The following IQCH variants were observed in gnomAD, a reference collection of about 807,000 sequenced individuals.
IQCH encodes IQ motif containing H, also known as IQ domain-containing protein H.
In IQCH, 98 loss-of-function variants were observed where a neutral mutation model predicts 117.0. That is an observed-to-expected ratio of 0.84 (90% CI 0.71 to 0.99). The LOEUF is 0.99. Among genes scored for constraint, IQCH ranks in the 50% least tolerant of loss-of-function variants. The pLI is 0.00. For synonymous variants in IQCH, 412 were observed against 448.2 expected (o/e 0.92, Z 1.02); for missense variants, 1,102 against 1,243.8 (o/e 0.89, Z 1.72).
Position 67,390,935 on chromosome 15 carries a change from C to T in IQCH, c.1632+1929C>T, listed in dbSNP as rs1971266254. Among the ~76,000 whole-genome samples, 1 of 152,216 alleles carries T rather than the reference C, an allele frequency of 6.6e-6. No individual in the cohort carries two copies. The highest frequency in any genetic ancestry group is 1.5e-5 in the Non-Finnish European group (1 of 68,036). On this transcript the variant is annotated intron_variant, in intron 12 of 20. Transcript: ENST00000335894. This position sits in a 1 kb window ranked among gnomAD's most constrained non-coding sequence, Gnocchi z 5.0. The stretch of plus-strand genomic sequence containing the variant: ...CAGAGTGTGAACCAAAATCTCTCTA[C>T]CGCAGAGCAGTATCATGAGTTGGAA...
At chr15:67,347,436 C>A (rs1969447145) in intron 6 of IQCH, among the ~76,000 whole-genome samples, 2 of 151,914 alleles carry the variant, frequency 1.3e-5, no homozygotes. Flanking sequence ...TATTGATGGA[C>A]AAATTCTTTG....
intron 6 of IQCH, among the ~76,000 whole-genome samples, chr15:67,355,742 G>A (rs1969866998): frequency 6.6e-6 from 1 of 152,116 alleles, no homozygotes. Flanking sequence ...AGTGCATTAG[G>A]ATACGGTTTT....
intron 4 of IQCH, among the ~76,000 whole-genome samples, chr15:67,321,290 A>G (rs1264265778): frequency 1.3e-5 from 2 of 152,042 alleles, no homozygotes; most frequent in African/African-American, 2.4e-5. Context: ...TCCTCCAGTC[A>G]TTTCTATTCA....
chr15:67,383,123 T>C (rs1052888045), intron 10 of IQCH, among the ~76,000 whole-genome samples: 20 of 152,202 alleles, frequency 1.3e-4, no homozygotes, highest in Admixed American at 6.5e-5. Flanking sequence ...TTGTTGTTGT[T>C]GTTATATGTT....
chr15:67,339,096 G>A (rs1596212289), intron 5 of IQCH, among the ~76,000 whole-genome samples: 1 of 151,944 alleles, frequency 6.6e-6, no homozygotes, highest in Admixed American at 6.6e-5. Flanking sequence ...AGGTCTTTTT[G>A]GTTCACCACT....
intron 4 of IQCH, among the ~76,000 whole-genome samples, chr15:67,282,538 T>G (rs1487274919): frequency 1.3e-5 from 2 of 152,194 alleles, no homozygotes; most frequent in Non-Finnish European, 2.9e-5. Context: ...ACTATTGTTG[T>G]TGTATATCTA....
intron 10 of IQCH, among the ~76,000 whole-genome samples, chr15:67,383,209 A>T (rs4776924): frequency 0.53 from 81,169 of 152,008 alleles, 22,196 homozygotes; most frequent in East Asian, 0.88. Context: ...AGGTGTTTTC[A>T]TGTCTGTAAC....
intron 3 of IQCH, among the ~76,000 whole-genome samples, chr15:67,267,953 A>G (rs1194523070): frequency 1.3e-5 from 2 of 152,196 alleles, no homozygotes; most frequent in Non-Finnish European, 2.9e-5. Flanking sequence ...GACAGTTTGC[A>G]AAGGACTTTC....
At chr15:67,349,206 G>A (rs2140706249) in intron 6 of IQCH, among the ~76,000 whole-genome samples, 1 of 152,282 alleles carries the variant, frequency 6.6e-6, no homozygotes, top group East Asian at 1.9e-4. Flanking sequence ...GTTAGGCAAA[G>A]GTTTCTTACG....
At chr15:67,329,547 C>T (rs1390754547) in intron 4 of IQCH, among the ~76,000 whole-genome samples, 1 of 152,106 alleles carries the variant, frequency 6.6e-6, no homozygotes, top group Non-Finnish European at 1.5e-5. Flanking sequence ...TCATAGCTCA[C>T]TGTAGCCTTA....
Position 67,465,198 on chromosome 15 carries a change from A to T in IQCH, c.2577A>T (p.Thr859=). 6.2e-7 allele frequency: 1 copy of T among 1,614,168 alleles called. No individual in the cohort carries two copies. The highest frequency in any genetic ancestry group is 8.5e-7 in the Non-Finnish European group (1 of 1,180,014). Residue 859 remains threonine, a synonymous_variant, in exon 17 of 21, where the codon ACA becomes ACT. Transcript: ENST00000335894. This position sits in a 1 kb window ranked among gnomAD's most constrained non-coding sequence, Gnocchi z 5.9. The part of the protein sequence containing the change: ...LALTQLTLYL[T]NGHLDCSLST... Reference sequence around the variant, plus strand: ...TGACTCAACTCACCTTATACCTGACAAACGGCCATCTGGATTGCAGTTTGA... The same window carrying T: ...TGACTCAACTCACCTTATACCTGACTAACGGCCATCTGGATTGCAGTTTGA...
intron 10 of IQCH, among the ~76,000 whole-genome samples, chr15:67,383,984 A>G (rs1971026213): frequency 6.6e-6 from 1 of 152,154 alleles, no homozygotes; most frequent in African/African-American, 2.4e-5. Context: ...TAGGCTGAAA[A>G]GGAAATGTGT....
chr15:67,339,222 G>A (rs1481710611), intron 5 of IQCH, among the ~76,000 whole-genome samples: 1 of 152,006 alleles, frequency 6.6e-6, no homozygotes, highest in East Asian at 1.9e-4. Context: ...AGTAAGGGTG[G>A]ATTTAATAAA....
chr15:67,499,276 G>T (rs1007839343), intron 20 of IQCH, among the ~76,000 whole-genome samples: 28 of 108,938 alleles, frequency 2.6e-4, no homozygotes, highest in African/African-American at 8.8e-4. Flanking sequence ...TCCAGCTTTG[G>T]TGATAGAGCA....
In IQCH at chr15:67,465,067, G is replaced by T; in HGVS notation, c.2506-60G>T. ...TAGTTTGGTCTGGTTAGGCAGAGGT[G>T]GGGCCTTCGCTGCTGTTTGCTGATT... On this transcript the variant is annotated intron_variant, in intron 16 of 20. Transcript: ENST00000335894. This position sits in a 1 kb window ranked among gnomAD's most constrained non-coding sequence, Gnocchi z 5.9. 1 of 1,552,686 alleles carries T rather than the reference G, an allele frequency of 6.4e-7. No individual in the cohort carries two copies.
At chr15:67,352,024 C>G (rs564872780) in intron 6 of IQCH, among the ~76,000 whole-genome samples, 1 of 151,486 alleles carries the variant, frequency 6.6e-6, no homozygotes, top group African/African-American at 2.4e-5. Flanking sequence ...TGTGCCTTGC[C>G]CTGTTTTGTT....
intron 8 of IQCH, among the ~76,000 whole-genome samples, chr15:67,362,975 T>G (rs1684399848): frequency 6.6e-6 from 1 of 152,244 alleles, no homozygotes; most frequent in East Asian, 1.9e-4. Context: ...CAGCACAATT[T>G]AGTCTCCTTT....
chr15:67,397,454 A>G (rs543344916), intron 13 of IQCH, among the ~76,000 whole-genome samples: 1 of 152,164 alleles, frequency 6.6e-6, no homozygotes, highest in Non-Finnish European at 1.5e-5. Context: ...ACTGAGTTCT[A>G]CTCTACTTGT....
intron 16 of IQCH, among the ~76,000 whole-genome samples, chr15:67,438,321 A>G (rs2082188430): frequency 6.6e-6 from 1 of 152,234 alleles, no homozygotes; most frequent in Non-Finnish European, 1.5e-5. Flanking sequence ...TGAAGGAAAG[A>G]TACAGTCATT....
Sources: gnomAD v4.1 joint callset for allele counts (sites outside exome capture counted in the v4.1 genomes callset) on GRCh38, gnomAD v4.1.1 for gene constraint, Gnocchi (gnomAD v3.1) non-coding constraint, MANE v1.5 for transcripts, NCBI Gene and HGNC (gene_info 2026-07-23, HGNC 2026-07-21) for gene names.